ZBTB43: variants seen among roughly 807,000 people sequenced by gnomAD.
ZBTB43 encodes the protein zinc finger and BTB domain containing 43.
A neutral mutation model predicts 31.1 loss-of-function variants in ZBTB43; 6 were observed. The observed-to-expected ratio is 0.19, with a 90% confidence interval of 0.11 to 0.38. The LOEUF (loss-of-function observed/expected upper bound fraction) is 0.38, where lower values mean the gene tolerates loss of function less well. Among genes scored for constraint, ZBTB43 ranks in the 10% least tolerant of loss-of-function variants. ZBTB43 has a pLI of 1.00. For missense variants in ZBTB43, 379 were observed against 602.1 expected (o/e 0.63, Z 3.88); for synonymous variants, 212 against 221.7 (o/e 0.96, Z 0.39).
chr9:126,823,272 A>G (rs1298880224), intron 2 of ZBTB43, among the ~76,000 whole-genome samples: 1 of 152,088 alleles, frequency 6.6e-6, no homozygotes, highest in Non-Finnish European at 1.5e-5. Context: ...CTTTTACTTC[A>G]TATATTTTAG....
chr9:126,826,646 A>G (rs2032647291), intron 2 of ZBTB43, among the ~76,000 whole-genome samples: 1 of 149,542 alleles, frequency 6.7e-6, no homozygotes, highest in African/African-American at 2.5e-5. Flanking sequence ...TGTATTTTTT[A>G]GTAGAAATGG....
At chr9:126,806,021 T>G (rs147592352) in intron 1 of ZBTB43, among the ~76,000 whole-genome samples, 2 of 152,344 alleles carry the variant, frequency 1.3e-5, no homozygotes, top group African/African-American at 4.8e-5. Flanking sequence ...GGAGAGCCTG[T>G]CAGGGAGACA....
chr9:126,812,581 T>TTGTC lies in ZBTB43; in HGVS notation c.-24+3676_-24+3679dup, dbSNP rs147238414. Among the ~76,000 whole-genome samples, 3,275 of 152,288 alleles carry TTGTC rather than the reference T, an allele frequency of 0.022. 408 individuals are homozygous for TTGTC. In the East Asian group the frequency reaches 0.38, roughly 17 times the overall value. ...TACACATCCTCACCGACACCTGTTA[T>TTGTC]TGTCTGTCTGTCTTTTGACAGCCAT... is the stretch of plus-strand genomic sequence containing the variant. On this transcript the variant is annotated intron_variant, in intron 2 of 2. Transcript: ENST00000373464.
At chr9:126,810,251 G>T (rs920994477) in intron 2 of ZBTB43, among the ~76,000 whole-genome samples, 11 of 152,140 alleles carry the variant, frequency 7.2e-5, no homozygotes, top group African/African-American at 2.4e-4. Context: ...CTGGAGTGCA[G>T]TGGCAGAATC....
rs1335340575 is a variant in ZBTB43, at chr9:126,836,392, T to C, written c.*2479T>C. 1 of 167,088 alleles carries C rather than the reference T, an allele frequency of 6.0e-6. No individual in the cohort carries two copies. The highest frequency in any genetic ancestry group is 1.9e-4 in the East Asian group (1 of 5,202). 10.4% of individuals were successfully genotyped at this position (167,088 alleles called of 1,614,324 possible). On this transcript the variant is annotated 3_prime_UTR_variant, in exon 3 of 3. Transcript: ENST00000373464. ...AATAAGTTGCTCACATCTGTTCTTTTAGTGTTTTGTGGTATTTGAGGTTTT... is the reference window on the plus strand; with the variant it reads ...AATAAGTTGCTCACATCTGTTCTTTCAGTGTTTTGTGGTATTTGAGGTTTT...
intron 2 of ZBTB43, among the ~76,000 whole-genome samples, chr9:126,815,656 CT>C (rs991749031): frequency 8.3e-4 from 64 of 77,514 alleles, no homozygotes; most frequent in South Asian, 7.2e-3. Context: ...CTCTCTCTCT[CT>C]CTTTTTTTTT....
chr9:126,833,310 C>T lies in ZBTB43; in HGVS notation c.801C>T (p.His267=), dbSNP rs1488830626. The T allele has an allele frequency of 1.2e-6, 2 of 1,613,040 alleles. No homozygotes were observed. Among genetic ancestry groups the T allele is most frequent in the South Asian group, 2.2e-5 (2 of 90,878 alleles). The change falls in exon 3 of 3, where the codon CAC becomes CAT. Residue 267 remains histidine (H), a synonymous_variant. Transcript: ENST00000373464. This position sits in a 1 kb window ranked among gnomAD's most constrained non-coding sequence, Gnocchi z 7.9. ...ATGTGCACGCGACCTACGACGAGCA[C>T]CAGGTCACAGAGTCCATCAACACCG... ...GMDVHATYDE[H]QVTESINTVQ... is the part of the protein sequence containing the mutation.
At chr9:126,830,213 A>C (rs2032735297) in intron 2 of ZBTB43, among the ~76,000 whole-genome samples, 1 of 152,250 alleles carries the variant, frequency 6.6e-6, no homozygotes, top group South Asian at 2.1e-4. Context: ...TATAAAGATT[A>C]AGTGGGAAAA....
At chr9:126,825,659 A>C (rs2032614720) in intron 2 of ZBTB43, among the ~76,000 whole-genome samples, 1 of 151,952 alleles carries the variant, frequency 6.6e-6, no homozygotes, top group Admixed American at 6.6e-5. Context: ...GGGCACATCT[A>C]AATGGACTCA....
At chr9:126,830,351 T>G (rs975657970) in intron 2 of ZBTB43, among the ~76,000 whole-genome samples, 9 of 152,224 alleles carry the variant, frequency 5.9e-5, no homozygotes, top group African/African-American at 1.9e-4. Context: ...TATATCATAC[T>G]TAGAAAACTT....
At chr9:126,808,756 A>G (rs1302328331) in intron 1 of ZBTB43, 37 bp from the exon 2 acceptor site, 1 of 152,224 alleles carries the variant, frequency 6.6e-6, no homozygotes, top group Non-Finnish European at 1.5e-5. Context: ...TGTACATAGC[A>G]TCTCTTTTAC....
rs2032850046 is a variant in ZBTB43, at chr9:126,834,977, C to T, written c.*1064C>T. 6.0e-6 allele frequency: 1 copy of T among 167,124 alleles called. No individual in the cohort carries two copies. Among genetic ancestry groups the T allele is most frequent in the Admixed American group, 6.5e-5 (1 of 15,300 alleles). The allele number at this position is 167,124 out of a possible 1,614,324, so 10.4% of individuals were successfully genotyped here. A position where few individuals can be genotyped will look rare whatever the true frequency, so the allele number is the denominator to read the frequency against. On this transcript the variant is annotated 3_prime_UTR_variant, in exon 3 of 3. Transcript: ENST00000373464. ...AGTGAGAGGGCAGATAGGCAGGATT[C>T]TATGAGTGGTTATACTTAAGGGGGA...
intron 1 of ZBTB43, among the ~76,000 whole-genome samples, chr9:126,806,909 G>A (rs2032138461): frequency 6.6e-6 from 1 of 152,196 alleles, no homozygotes; most frequent in African/African-American, 2.4e-5. Context: ...CTTGGAATCA[G>A]TGCAAGAATG....
chr9:126,826,951 G>A (rs2032654810), intron 2 of ZBTB43, among the ~76,000 whole-genome samples: 1 of 152,162 alleles, frequency 6.6e-6, no homozygotes, highest in Non-Finnish European at 1.5e-5. Flanking sequence ...TGAATGTACT[G>A]TATATTCCTT....
At position 126,833,986 on chromosome 9, in the gene ZBTB43, GATGCGTGCTACTTGCTATT is replaced by G. The variant is rs2032827086; in HGVS notation, c.*77_*95del. 7.1e-7 allele frequency: 1 copy of G among 1,406,148 alleles called. No homozygotes were observed. Among genetic ancestry groups the G allele is most frequent in the African/African-American group, 1.4e-5 (1 of 69,876 alleles). The allele number at this position is 1,406,148 out of a possible 1,614,324, so 87.1% of individuals were successfully genotyped here. A position where few individuals can be genotyped will look rare whatever the true frequency, so the allele number is the denominator to read the frequency against. The stretch of plus-strand genomic sequence containing the variant: ...AATTAATGCAAATCTGGGCACAGAT[GATGCGTGCTACTTGCTATT>G]ATGAGAGAAGCTTAAAAAAAAAAAG... On this transcript the variant is annotated 3_prime_UTR_variant, in exon 3 of 3. Coordinates refer to ENST00000373464, the MANE Select transcript of ZBTB43 (RefSeq NM_014007.4). The surrounding 1 kb of genome is among the most constrained non-coding windows in gnomAD (Gnocchi z 7.9).
chr9:126,809,722 C>T (rs2032201111), intron 2 of ZBTB43, among the ~76,000 whole-genome samples: 1 of 152,038 alleles, frequency 6.6e-6, no homozygotes, highest in Non-Finnish European at 1.5e-5. Context: ...TTAAAAAAAG[C>T]CAAATAGCTT....
intron 2 of ZBTB43, among the ~76,000 whole-genome samples, chr9:126,825,813 C>T (rs2032618052): frequency 6.6e-6 from 1 of 151,170 alleles, no homozygotes; most frequent in Admixed American, 6.6e-5. Flanking sequence ...CTTTTCAGCT[C>T]CAGCTTTTTC....
intron 2 of ZBTB43, among the ~76,000 whole-genome samples, chr9:126,827,628 G>A (rs1391534143): frequency 6.6e-6 from 1 of 152,194 alleles, no homozygotes; most frequent in African/African-American, 2.4e-5. Context: ...AACCCATGGA[G>A]CTTCTGACTC....
chr9:126,810,402 C>T (rs1361808173), intron 2 of ZBTB43, among the ~76,000 whole-genome samples: 1 of 151,426 alleles, frequency 6.6e-6, no homozygotes, highest in Non-Finnish European at 1.5e-5. Context: ...CCTTCTTGGC[C>T]AGGCCAGTCT....
Sources: allele counts gnomAD v4.1 joint callset (sites outside exome capture counted in the v4.1 genomes callset), GRCh38; gene constraint gnomAD v4.1.1; non-coding constraint Gnocchi (gnomAD v3.1); transcripts MANE v1.5; gene names NCBI Gene and HGNC (gene_info 2026-07-23, HGNC 2026-07-21).